PTK2: variants seen among roughly 807,000 people sequenced by gnomAD.
PTK2 encodes the protein focal adhesion kinase 1.
In PTK2, 45 loss-of-function variants were observed where a neutral mutation model predicts 150.1. The ratio of observed to expected loss-of-function variants is 0.30; its 90% confidence interval spans 0.24 to 0.38. PTK2 has a LOEUF of 0.38. PTK2 is among the 10% of genes least tolerant of loss of function. The pLI, the probability that PTK2 is intolerant of heterozygous loss-of-function variation, is 1.00. For synonymous variants in PTK2, 432 were observed against 449.2 expected (o/e 0.96, Z 0.48); for missense variants, 919 against 1,307.3 (o/e 0.70, Z 4.58).
At chr8:140,925,695 A>G in exon 2 of PTK2, 14 of 984,542 alleles carry the variant, frequency 1.4e-5, no homozygotes, top group Non-Finnish European at 1.7e-5. Flanking sequence ...CTCTGGGGAA[A>G]CTGCAGAAGG....
At chr8:140,871,516 A>T (rs113161361) in intron 4 of PTK2, among the ~76,000 whole-genome samples, 26 of 152,338 alleles carry the variant, frequency 1.7e-4, no homozygotes, top group African/African-American at 5.8e-4. Flanking sequence ...TTTGAATCAG[A>T]AGTGGGGCAT....
intron 25 of PTK2, among the ~76,000 whole-genome samples, chr8:140,702,032 G>A (rs2100030765): frequency 6.7e-6 from 1 of 149,172 alleles, no homozygotes; most frequent in Non-Finnish European, 1.5e-5. Context: ...GGAGGCTGAG[G>A]CGGGAGAATT....
intron 1 of PTK2, among the ~76,000 whole-genome samples, chr8:140,964,782 AT>A (rs2100184658): frequency 6.6e-6 from 1 of 151,928 alleles, no homozygotes; most frequent in South Asian, 2.1e-4. Context: ...AGGTTTTTTC[AT>A]TTATTCATGT....
chr8:140,867,727 T>C (rs1407276597), intron 4 of PTK2, among the ~76,000 whole-genome samples: 1 of 152,180 alleles, frequency 6.6e-6, no homozygotes, highest in Admixed American at 6.5e-5. Context: ...AATCTGCCCA[T>C]GTACCCTTGA....
rs1158801304 is a variant in PTK2 at position 140,925,762 on chromosome 8, G to T, written c.-121-13C>A. On this transcript the variant is annotated splice_polypyrimidine_tract_variant and intron_variant, in intron 1 of 31. Coordinates refer to ENST00000522684, the Ensembl canonical transcript of PTK2. The stretch of plus-strand genomic sequence containing the variant: ...GCCCCAGTTCTGCCTGTGAGACAAA[G>T]AAAATCATTTCAAAATCCTGAACTT... 1 of 604,074 alleles carries T rather than the reference G, an allele frequency of 1.7e-6. No individual in the cohort carries two copies. The highest frequency in any genetic ancestry group is 2.1e-6 in the Non-Finnish European group (1 of 481,756). 37.4% of individuals were successfully genotyped at this position (604,074 alleles called of 1,614,324 possible). A position where few individuals can be genotyped will look rare whatever the true frequency, so the allele number is the denominator to read the frequency against.
rs1465025431 is a variant in PTK2, at chr8:140,864,449, A to T, written c.363-50T>A. 4 of 1,098,722 alleles carry T rather than the reference A, an allele frequency of 3.6e-6. No homozygotes were observed. In the African/African-American group the frequency reaches 6.4e-5, roughly 17 times the overall value. The allele number at this position is 1,098,722 out of a possible 1,614,324, so 68.1% of individuals were successfully genotyped here. On this transcript the variant is annotated intron_variant, in intron 4 of 31. Transcript: ENST00000522684. Reference sequence around the variant, plus strand: ...CAATTAGAAATCAGTCATTTTCTCAATTTACAGTCTACAATTATAATATTG... The same window carrying T: ...CAATTAGAAATCAGTCATTTTCTCATTTTACAGTCTACAATTATAATATTG...
chr8:140,963,343 A>G (rs2154609447), intron 1 of PTK2, among the ~76,000 whole-genome samples: 1 of 152,288 alleles, frequency 6.6e-6, no homozygotes, highest in South Asian at 2.1e-4. Flanking sequence ...TAATTTTCCA[A>G]AGTCACATAA....
chr8:140,902,924 GT>G (rs61261890), intron 2 of PTK2, among the ~76,000 whole-genome samples: 2,026 of 58,950 alleles, frequency 0.034, 83 homozygotes, highest in African/African-American at 0.047. Context: ...GATGAGAGTT[GT>G]TTTTTTTTTT....
At chr8:140,904,504 G>GAC (rs1279954509) in intron 2 of PTK2, among the ~76,000 whole-genome samples, 4 of 152,218 alleles carry the variant, frequency 2.6e-5, no homozygotes, top group African/African-American at 9.6e-5. Flanking sequence ...AGATGATGCT[G>GAC]ACCTCATAAA....
chr8:140,721,882 A>G (rs941372449), intron 22 of PTK2: 3 of 152,216 alleles, frequency 2.0e-5, no homozygotes, highest in Non-Finnish European at 4.4e-5. Context: ...TTCTCTTCCA[A>G]AGAAACTAGT....
chr8:140,838,896 C>T (rs887147657), intron 7 of PTK2, among the ~76,000 whole-genome samples: 1 of 151,592 alleles, frequency 6.6e-6, no homozygotes, highest in Non-Finnish European at 1.5e-5. Context: ...GTCCCAGCTA[C>T]TAAGGAGGCT....
intron 8 of PTK2, among the ~76,000 whole-genome samples, chr8:140,828,880 C>A (rs1247486400): frequency 6.6e-6 from 1 of 152,182 alleles, no homozygotes. Context: ...ACAATTGTGT[C>A]ATTCTCTCTC....
chr8:140,723,896 T>A (rs986653255), intron 22 of PTK2, among the ~76,000 whole-genome samples: 1 of 152,370 alleles, frequency 6.6e-6, no homozygotes, highest in South Asian at 2.1e-4. Flanking sequence ...TAAAATAAAA[T>A]CATTGAAGTG....
chr8:140,674,029 G>A, intron 29 of PTK2: 4 of 578,150 alleles, frequency 6.9e-6, no homozygotes, highest in South Asian at 4.5e-5. Flanking sequence ...AGAGGAAGAT[G>A]TATGTAGAAA....
At chr8:140,891,363 C>T (rs904456220) in intron 2 of PTK2, among the ~76,000 whole-genome samples, 1 of 152,130 alleles carries the variant, frequency 6.6e-6, no homozygotes, top group Non-Finnish European at 1.5e-5. Context: ...TAAAGGACTT[C>T]TATTTGAGTT....
chr8:140,756,806 G>A (rs1035375743), intron 16 of PTK2, among the ~76,000 whole-genome samples: 1 of 151,242 alleles, frequency 6.6e-6, no homozygotes, highest in Non-Finnish European at 1.5e-5. Context: ...TGGCTAACCC[G>A]TTGAAATCCC....
At chr8:140,958,228 A>G (rs1384365701) in intron 1 of PTK2, among the ~76,000 whole-genome samples, 1 of 152,020 alleles carries the variant, frequency 6.6e-6, no homozygotes, top group African/African-American at 2.4e-5. Context: ...GCACCAACCT[A>G]CTGGGCTCAA....
At chr8:140,779,093 G>A (rs1202900332) in intron 14 of PTK2, among the ~76,000 whole-genome samples, 16 of 151,212 alleles carry the variant, frequency 1.1e-4, no homozygotes, top group Admixed American at 6.6e-4. Context: ...AAACCCCGTC[G>A]CTACTAAAAA....
chr8:140,983,658 T>TGAAGGAAGGAAG (rs746413640), intron 1 of PTK2, among the ~76,000 whole-genome samples: 1 of 124,156 alleles, frequency 8.1e-6, no homozygotes, highest in Non-Finnish European at 1.6e-5. Context: ...GAGAGGGAAG[T>TGAAGGAAGGAAG]GAAGGAAGGA....
Sources: gnomAD v4.1 joint callset for allele counts (sites outside exome capture counted in the v4.1 genomes callset) on GRCh38, gnomAD v4.1.1 for gene constraint, MANE v1.5 for transcripts, NCBI Gene and HGNC (gene_info 2026-07-23, HGNC 2026-07-21) for gene names.